The following NCEH1 variants were observed in gnomAD, a reference collection of about 807,000 sequenced individuals.
NCEH1 encodes the protein 2-acetyl MAGE hydrolase.
A neutral mutation model predicts 25.4 loss-of-function variants in NCEH1; 9 were observed. The observed-to-expected ratio is 0.35, with a 90% CI of 0.21 to 0.62. The LOEUF is 0.62. NCEH1 is among the 20% of genes least tolerant of loss of function. The probability of loss-of-function intolerance (pLI) is 0.72; values close to 1 mark genes in which losing one functional copy is unlikely to be tolerated. For missense variants in NCEH1, 412 were observed against 501.1 expected, an observed-to-expected ratio of 0.82 and a Z score of 1.70; for synonymous variants, 200 against 199.8, an observed-to-expected ratio of 1.00 and a Z score of -0.01.
rs377323769 is a variant in NCEH1 at position 172,708,060 on chromosome 3, T to C, written c.138+2787A>G. ...TGAGAGGAGTCAGAGAGATCCTAAG[T>C]AGCTGCTTCTTAAGGAATATGGGGA... On this transcript the variant is annotated intron_variant, in intron 1 of 4. Transcript: ENST00000475381. Among the ~76,000 whole-genome samples, 14 of 152,314 alleles carry C rather than the reference T, an allele frequency of 9.2e-5. No homozygotes were observed. In the East Asian group the frequency reaches 2.5e-3, roughly 27 times the overall value.
At chr3:172,663,171 C>T (rs537002885) in intron 1 of NCEH1, among the ~76,000 whole-genome samples, 93 of 152,220 alleles carry the variant, frequency 6.1e-4, no homozygotes, top group Non-Finnish European at 5.0e-4. Context: ...TCTTTGTTCT[C>T]GTTGGTTTCA....
At chr3:172,656,593 T>C (rs1039207761) in intron 1 of NCEH1, among the ~76,000 whole-genome samples, 3 of 152,042 alleles carry the variant, frequency 2.0e-5, no homozygotes, top group Admixed American at 6.6e-5. Context: ...GGTGAAACCC[T>C]GTCTGTACTA....
In NCEH1 at chr3:172,690,947, T is replaced by C. The variant is rs189711210; in HGVS notation, c.138+19900A>G. Among the ~76,000 whole-genome samples, 346 of 146,916 alleles carry C rather than the reference T, an allele frequency of 2.4e-3. 2 individuals carry two copies. Among genetic ancestry groups the C allele is most frequent in the Non-Finnish European group, 4.1e-3 (280 of 67,986 alleles). ...CAGTTCTAATTTGCTAAAGAAATTATGCTTCTGTGGGGAAATTTTTAAAGC... is the reference window on the plus strand; with the variant it reads ...CAGTTCTAATTTGCTAAAGAAATTACGCTTCTGTGGGGAAATTTTTAAAGC... On this transcript the variant is annotated intron_variant, in intron 1 of 4. Coordinates refer to ENST00000475381, the MANE Select transcript of NCEH1 (RefSeq NM_020792.6).
intron 1 of NCEH1, among the ~76,000 whole-genome samples, chr3:172,688,259 G>A (rs2108526086): frequency 6.6e-6 from 1 of 150,880 alleles, no homozygotes; most frequent in East Asian, 1.9e-4. Context: ...GAATCTGGGA[G>A]GCGGAGGTTG....
At chr3:172,653,767 T>TTTTTTTTTTTTTTTTTG (rs1717558050) in intron 1 of NCEH1, among the ~76,000 whole-genome samples, 1 of 84,796 alleles carries the variant, frequency 1.2e-5, no homozygotes, top group Non-Finnish European at 2.4e-5. Flanking sequence ...TTTGTTTTTT[T>TTTTTTTTTTTTTTTTTG]TTTTTTTTGA....
At chr3:172,686,700 G>A (rs1712716151) in intron 1 of NCEH1, among the ~76,000 whole-genome samples, 2 of 152,186 alleles carry the variant, frequency 1.3e-5, no homozygotes, top group Admixed American at 6.5e-5. Context: ...TGCAAAAGTG[G>A]CGGGTGATCC....
chr3:172,639,247 G>A (rs1455341955), intron 3 of NCEH1, among the ~76,000 whole-genome samples: 1 of 146,674 alleles, frequency 6.8e-6, no homozygotes, highest in African/African-American at 2.6e-5. Context: ...GCAGTGAGCC[G>A]AGATCACGCC....
intron 1 of NCEH1, among the ~76,000 whole-genome samples, chr3:172,671,073 A>T (rs942913570): frequency 6.6e-6 from 1 of 152,018 alleles, no homozygotes; most frequent in Non-Finnish European, 1.5e-5. Context: ...GTCCAGTGGC[A>T]ACATGATCAG....
Position 172,633,925 on chromosome 3 carries a change from G to A in NCEH1, c.777C>T (p.Asn259=), listed in dbSNP as rs1022365937. The part of the protein sequence containing the change: ...VKYWVDYFKG[N]YDFVQAMIVN... Reference sequence around the variant, plus strand: ...CGATCATTGCCTGCACAAAGTCATAGTTGCCTTTGAAGTAGTCCACCCAAT... The same window carrying A: ...CGATCATTGCCTGCACAAAGTCATAATTGCCTTTGAAGTAGTCCACCCAAT... The change falls in exon 5 of 5, where the codon AAC becomes AAT. Residue 259 remains asparagine (N), a synonymous_variant. Coordinates refer to ENST00000475381, the MANE Select transcript of NCEH1 (RefSeq NM_020792.6). 7 of 1,614,156 alleles carry A rather than the reference G, an allele frequency of 4.3e-6. No homozygotes were observed. The highest frequency in any genetic ancestry group is 1.7e-5 in the Admixed American group (1 of 60,022).
chr3:172,701,466 TA>T (rs1553840434), intron 1 of NCEH1, among the ~76,000 whole-genome samples: 1 of 143,590 alleles, frequency 7.0e-6, no homozygotes. Context: ...TTTTTTTTTT[TA>T]AAGACGGAGT....
intron 1 of NCEH1, among the ~76,000 whole-genome samples, chr3:172,682,703 T>C (rs901715011): frequency 6.6e-6 from 1 of 152,238 alleles, no homozygotes; most frequent in Admixed American, 6.5e-5. Flanking sequence ...TTTAGGTGTT[T>C]TCTTAGTAGT....
chr3:172,706,568 G>C (rs951565533), intron 1 of NCEH1, among the ~76,000 whole-genome samples: 2 of 142,538 alleles, frequency 1.4e-5, no homozygotes, highest in Admixed American at 7.4e-5. Context: ...GCACCATCTC[G>C]GCTCACTGAA....
chr3:172,642,236 C>T (rs998348551), intron 3 of NCEH1, among the ~76,000 whole-genome samples: 1 of 151,972 alleles, frequency 6.6e-6, no homozygotes, highest in South Asian at 2.1e-4. Context: ...TGCAGTGGCG[C>T]AATCTCAGCT....
intron 1 of NCEH1, among the ~76,000 whole-genome samples, chr3:172,689,251 C>T (rs1171931546): frequency 4.9e-5 from 4 of 80,934 alleles, no homozygotes; most frequent in African/African-American, 5.2e-5. Flanking sequence ...CTTGGAGTAA[C>T]TTTTTTTTTT....
intron 1 of NCEH1, among the ~76,000 whole-genome samples, chr3:172,658,556 T>C (rs1263798383): frequency 1.3e-5 from 2 of 152,210 alleles, no homozygotes; most frequent in African/African-American, 4.8e-5. Flanking sequence ...AAGTAGGCAA[T>C]AGTAGGGTTC....
intron 1 of NCEH1, among the ~76,000 whole-genome samples, chr3:172,673,940 TA>T (rs1479669372): frequency 2.6e-5 from 4 of 152,202 alleles, no homozygotes; most frequent in African/African-American, 9.7e-5. Flanking sequence ...CCGAGCTTTT[TA>T]CTTGGGAATG....
chr3:172,679,123 A>G (rs1270133016), intron 1 of NCEH1, among the ~76,000 whole-genome samples: 2 of 152,240 alleles, frequency 1.3e-5, no homozygotes, highest in Non-Finnish European at 1.5e-5. Context: ...GTACAGGAGA[A>G]CAAAGGAAGG....
chr3:172,647,726 C>G (rs918565513), intron 2 of NCEH1, 160 bp downstream of exon 2: 8 of 853,546 alleles, frequency 9.4e-6, no homozygotes, highest in Admixed American at 2.7e-5. Flanking sequence ...AAAGGGGGCA[C>G]TAGTCATAAT....
intron 1 of NCEH1, among the ~76,000 whole-genome samples, chr3:172,658,746 C>T (rs559295057): frequency 6.7e-6 from 1 of 150,340 alleles, no homozygotes; most frequent in Admixed American, 6.7e-5. Context: ...CACCCTAAAA[C>T]ATTTGGTTTT....
Sources: gnomAD v4.1 joint callset for allele counts (sites outside exome capture counted in the v4.1 genomes callset) on GRCh38, gnomAD v4.1.1 for gene constraint, MANE v1.5 for transcripts, NCBI Gene and HGNC (gene_info 2026-07-23, HGNC 2026-07-21) for gene names.